Variants in GPR135 observed in about 807,000 individuals in gnomAD.
GPR135 encodes G-protein coupled receptor 135.
In GPR135, 17 loss-of-function variants were observed where a neutral mutation model predicts 15.0. The ratio of observed to expected loss-of-function variants is 1.13; its 90% confidence interval spans 0.78 to 1.70. GPR135 has a LOEUF of 1.70. GPR135 is among the 40% of genes most tolerant of loss of function. The pLI is 0.00. For missense variants in GPR135, 776 were observed against 727.0 expected, an observed-to-expected ratio of 1.07 and a Z score of -0.78; for synonymous variants, 368 against 349.4, an observed-to-expected ratio of 1.05 and a Z score of -0.59.
chr14:59,461,365 C>A lies in GPR135; in HGVS notation c.*2377G>T, dbSNP rs1384243609. ...GTTCTACCACTAAATAGTTGGATAG[C>A]CTTGGATTAAAAACAAACAATTTAG... On this transcript the variant is annotated 3_prime_UTR_variant, in exon 1 of 1. Coordinates refer to ENST00000395116, the MANE Select transcript of GPR135 (RefSeq NM_022571.6). 6.6e-6 allele frequency: 1 copy of A among 152,120 alleles called. No individual in the cohort carries two copies. The highest frequency in any genetic ancestry group is 2.4e-5 in the African/African-American group (1 of 41,408). 9.4% of individuals were successfully genotyped at this position (152,120 alleles called of 1,614,324 possible).
rs1235396635 is a variant in GPR135 at position 59,464,271 on chromosome 14, C to G, written c.956G>C (p.Arg319Pro). The part of the protein sequence containing the change: ...VRVRPVNTYA[R>P]VLRFFSEVRT... Reference sequence around the variant, plus strand: ...CACCTCGCTGAAGAAGCGCAGCACGCGCGCGTAGGTGTTCACCGGCCGCAC... The same window carrying G: ...CACCTCGCTGAAGAAGCGCAGCACGGGCGCGTAGGTGTTCACCGGCCGCAC... The change falls in exon 1 of 1, where the codon CGC becomes CCC. Residue 319 changes from arginine (R) to proline (P), a missense_variant. Coordinates refer to ENST00000395116, the MANE Select transcript of GPR135 (RefSeq NM_022571.6). The G allele has an allele frequency of 1.2e-6, 2 of 1,612,124 alleles. No homozygotes were observed. The highest frequency in any genetic ancestry group is 1.7e-6 in the Non-Finnish European group (2 of 1,179,870).
At chr14:59,459,526 A>C (rs1162259166), downstream of GPR135, among the ~76,000 whole-genome samples, 1 of 152,236 alleles carries the variant, frequency 6.6e-6, no homozygotes, top group African/African-American at 2.4e-5. Context: ...TGAATGGATG[A>C]CAACTGAGGA....
downstream of GPR135, among the ~76,000 whole-genome samples, chr14:59,458,342 C>G (rs760424525): frequency 6.6e-6 from 1 of 152,186 alleles, no homozygotes; most frequent in African/African-American, 2.4e-5. Context: ...GTTTAGACCT[C>G]AGGAGAGCTC....
chr14:59,465,131 C>T lies in GPR135; in HGVS notation c.96G>A (p.Gly32=). 7.3e-7 allele frequency: 1 copy of T among 1,374,908 alleles called. No homozygotes were observed. Among genetic ancestry groups the T allele is most frequent in the Non-Finnish European group, 9.4e-7 (1 of 1,063,622 alleles). The allele number at this position is 1,374,908 out of a possible 1,614,324, so 85.2% of individuals were successfully genotyped here. The change falls in exon 1 of 1, where the codon GGG becomes GGA. Residue 32 remains glycine (G), a synonymous_variant. Coordinates refer to ENST00000395116, the MANE Select transcript of GPR135 (RefSeq NM_022571.6). ...GAPSAAGPPG[G]TSSAATAAVL... ...CGGCCGCCGTGGCCGCGGAGGAAGT[C>T]CCGCCAGGTGGGCCGGCCGCGGAGG... is the stretch of plus-strand genomic sequence containing the variant.
In GPR135 at chr14:59,461,824, C is replaced by T. The variant is rs1178113750; in HGVS notation, c.*1918G>A. 6.6e-6 allele frequency: 1 copy of T among 152,118 alleles called. No homozygotes were observed. Among genetic ancestry groups the T allele is most frequent in the African/African-American group, 2.4e-5 (1 of 41,422 alleles). 9.4% of individuals were successfully genotyped at this position (152,118 alleles called of 1,614,324 possible). A position where few individuals can be genotyped will look rare whatever the true frequency, so the allele number is the denominator to read the frequency against. ...TTCTCTCTAAATCCCAAAAGTGACTCGGTGCCAAAAAATACACAATTTTTT... is the reference window on the plus strand; with the variant it reads ...TTCTCTCTAAATCCCAAAAGTGACTTGGTGCCAAAAAATACACAATTTTTT... On this transcript the variant is annotated 3_prime_UTR_variant, in exon 1 of 1. Transcript: ENST00000395116.
chr14:59,453,613 T>C (rs1246036871), intron 6 of GPR135, among the ~76,000 whole-genome samples: 1 of 152,150 alleles, frequency 6.6e-6, no homozygotes, highest in Non-Finnish European at 1.5e-5. Flanking sequence ...TTGTGATGGA[T>C]GTTAAGGTGG....
rs754598348 is a variant in GPR135, at chr14:59,464,112, G to T, written c.1115C>A (p.Ala372Asp). The T allele has an allele frequency of 6.2e-6, 10 of 1,611,298 alleles. No homozygotes were observed. Among genetic ancestry groups the T allele is most frequent in the Middle Eastern group, 3.3e-4 (2 of 6,084 alleles). Reference sequence around the variant, plus strand: ...CCCATTGGCCCAGGTCAGCCAGACGGCCACCACGCTGAGGAGCGAGGGGGC... The same window carrying T: ...CCCATTGGCCCAGGTCAGCCAGACGTCCACCACGCTGAGGAGCGAGGGGGC... ...MQAPSLLSVV[A>D]VWLTWANGAI... is the part of the protein sequence containing the mutation. Residue 372 changes from alanine to aspartate, a missense_variant, in exon 1 of 1, where the codon GCC becomes GAC. Coordinates refer to ENST00000395116, the MANE Select transcript of GPR135 (RefSeq NM_022571.6).
At chr14:59,460,572 T>G (rs1375529634), downstream of GPR135, 1 of 152,216 alleles carries the variant, frequency 6.6e-6, no homozygotes, top group Admixed American at 6.5e-5. Context: ...ACATAACACC[T>G]CTGTGCCTTG....
In GPR135 at chr14:59,464,399, G is replaced by A. The variant is rs774783652; in HGVS notation, c.828C>T (p.Ala276=). The change falls in exon 1 of 1, where the codon GCC becomes GCT. Residue 276 remains alanine (A), a synonymous_variant. Coordinates refer to ENST00000395116, the MANE Select transcript of GPR135 (RefSeq NM_022571.6). ...TSPDPAQLGA[A]FSVGLVVACY... ...AGGCCACCACCAGCCCCACGCTGAA[G>A]GCCGCGCCCAGCTGCGCGGGGTCCG... 1.1e-5 allele frequency: 17 copies of A among 1,600,576 alleles called. No individual in the cohort carries two copies. The South Asian group carries it at 1.8e-4, about 17-fold the overall frequency.
chr14:59,464,339 G>C lies in GPR135; in HGVS notation c.888C>G (p.Cys296Trp), dbSNP rs753304090. The C allele has an allele frequency of 6.2e-7, 1 of 1,610,228 alleles. No homozygotes were observed. Among genetic ancestry groups the C allele is most frequent in the Non-Finnish European group, 8.5e-7 (1 of 1,178,584 alleles). ...GCACCGTCTTGCAGATGTGGTAGTG[G>C]CAGAAGCACATGAGCAGGAAGGGCA... is the stretch of plus-strand genomic sequence containing the variant. ...YLLPFLLMCF[C>W]HYHICKTVRL... The change falls in exon 1 of 1, where the codon TGC (cysteine) becomes TGG (tryptophan). Residue 296 changes from cysteine (C) to tryptophan (W), a missense_variant. Physicochemically the swap from Cys to Trp is radical, Grantham distance 215. Transcript: ENST00000395116.
chr14:59,453,373 G>T (rs571296305), intron 6 of GPR135, among the ~76,000 whole-genome samples: 1 of 152,120 alleles, frequency 6.6e-6, no homozygotes, highest in African/African-American at 2.4e-5. Context: ...ACTCAATTTT[G>T]CTGTGAACCT....
In GPR135 at chr14:59,463,622, TC is replaced by T. The variant is rs943709023; in HGVS notation, c.*119del. 1.3e-5 allele frequency: 12 copies of T among 955,706 alleles called. No individual in the cohort carries two copies. Among genetic ancestry groups the T allele is most frequent in the Non-Finnish European group, 1.8e-5 (12 of 655,548 alleles). 59.2% of individuals were successfully genotyped at this position (955,706 alleles called of 1,614,324 possible). ...TGTTGTTTGGGGAAAGTGGTAAGCCTCCCCCGTCTCTAGCTTTAAATGTTTG... is the reference window on the plus strand; with the variant it reads ...TGTTGTTTGGGGAAAGTGGTAAGCCTCCCCGTCTCTAGCTTTAAATGTTTG... On this transcript the variant is annotated 3_prime_UTR_variant, in exon 1 of 1. Transcript: ENST00000395116.
rs575708487 is a variant in GPR135 at position 59,464,723 on chromosome 14, G to A, written c.504C>T (p.Pro168=). The change falls in exon 1 of 1, where the codon CCC becomes CCT. Residue 168 remains proline, a synonymous_variant. Coordinates refer to ENST00000395116, the MANE Select transcript of GPR135 (RefSeq NM_022571.6). Reference sequence around the variant, plus strand: ...CGGCGGCGGCAGGCGCCGAACCCCCGGGCGGAGTGAAGAGGTCCAGGAAGG... The same window carrying A: ...CGGCGGCGGCAGGCGCCGAACCCCCAGGCGGAGTGAAGAGGTCCAGGAAGG... ...PAAFLDLFTP[P]GGSAPAAAAG... 6.5e-5 allele frequency: 101 copies of A among 1,565,660 alleles called. No individual in the cohort carries two copies. The highest frequency in any genetic ancestry group is 8.5e-5 in the Non-Finnish European group (98 of 1,157,350).
rs1157511037 is a variant in GPR135 at position 59,463,980 on chromosome 14, G to C, written c.1247C>G (p.Pro416Arg). 6.2e-7 allele frequency: 1 copy of C among 1,614,020 alleles called. No individual in the cohort carries two copies. Among genetic ancestry groups the C allele is most frequent in the Non-Finnish European group, 8.5e-7 (1 of 1,180,026 alleles). Residue 416 changes from proline to arginine, a missense_variant, in exon 1 of 1, where the codon CCC (proline) becomes CGC (arginine). Transcript: ENST00000395116. The part of the protein sequence containing the change: ...YRTRNVDAFL[P>R]SQGPGLQARS... ...GGCTTGCAGACCCGGGCCCTGGCTGGGCAGGAAAGCGTCCACATTCCTAGT... is the reference window on the plus strand; with the variant it reads ...GGCTTGCAGACCCGGGCCCTGGCTGCGCAGGAAAGCGTCCACATTCCTAGT...
chr14:59,454,040 T>C (rs1888574338), intron 6 of GPR135, among the ~76,000 whole-genome samples: 1 of 152,156 alleles, frequency 6.6e-6, no homozygotes, highest in Non-Finnish European at 1.5e-5. Context: ...TTCAACTTGA[T>C]TGGATTGAAG....
In GPR135 at chr14:59,464,206, T is replaced by C. The variant is rs1463983349; in HGVS notation, c.1021A>G (p.Ile341Val). Residue 341 changes from isoleucine (I) to valine (V), a missense_variant, in exon 1 of 1, where the codon ATC becomes GTC. By Grantham distance (29) the Ile-to-Val change is conservative. Transcript: ENST00000395116. ...AAGCAGTAGGGCCCCCAGCAGCAGATGACGAAGACGATCATGATGAGGACG... is the reference window on the plus strand; with the variant it reads ...AAGCAGTAGGGCCCCCAGCAGCAGACGACGAAGACGATCATGATGAGGACG... ...TTVLIMIVFVICCWGPYCFLV... is the reference protein window; with the variant it reads ...TTVLIMIVFVVCCWGPYCFLV... 3 of 1,610,720 alleles carry C rather than the reference T, an allele frequency of 1.9e-6. No homozygotes were observed. The highest frequency in any genetic ancestry group is 2.5e-6 in the Non-Finnish European group (3 of 1,179,888).
downstream of GPR135, among the ~76,000 whole-genome samples, chr14:59,457,283 CTG>C (rs1888687193): frequency 6.6e-6 from 1 of 152,094 alleles, no homozygotes; most frequent in South Asian, 2.1e-4. Flanking sequence ...TATTTACTAT[CTG>C]TGTGTGTCTC....
chr14:59,464,949 G>T lies in GPR135; in HGVS notation c.278C>A (p.Ala93Glu), dbSNP rs771218417. The change falls in exon 1 of 1, where the codon GCG becomes GAG. Residue 93 changes from alanine to glutamate, a missense_variant. By Grantham distance (107) the Ala-to-Glu change is moderately radical. Transcript: ENST00000395116. ...AGCTCCGTGCGACAGCAGCGGCGCCGCCTCCGGGCCTAGCGGCCGCCTCAC... is the reference window on the plus strand; with the variant it reads ...AGCTCCGTGCGACAGCAGCGGCGCCTCCTCCGGGCCTAGCGGCCGCCTCAC... Reference protein sequence around the residue: ...AAVRRPLGPEAAPLLSHGAAV... With the variant: ...AAVRRPLGPEEAPLLSHGAAV... 5.2e-6 allele frequency: 8 copies of T among 1,531,570 alleles called. No individual in the cohort carries two copies. Among genetic ancestry groups the T allele is most frequent in the Non-Finnish European group, 7.0e-6 (8 of 1,142,572 alleles). 94.9% of individuals were successfully genotyped at this position (1,531,570 alleles called of 1,614,324 possible). A position where few individuals can be genotyped will look rare whatever the true frequency, so the allele number is the denominator to read the frequency against.
chr14:59,464,343 A>C lies in GPR135; in HGVS notation c.884T>G (p.Phe295Cys). The C allele has an allele frequency of 1.2e-6, 2 of 1,610,186 alleles. No homozygotes were observed. The highest frequency in any genetic ancestry group is 1.7e-6 in the Non-Finnish European group (2 of 1,178,522). The change falls in exon 1 of 1, where the codon TTC becomes TGC. Residue 295 changes from phenylalanine (F) to cysteine (C), a missense_variant. Phe to Cys is a radical substitution (Grantham distance 205). Transcript: ENST00000395116. ...CGTCTTGCAGATGTGGTAGTGGCAG[A>C]AGCACATGAGCAGGAAGGGCAGCAG... ...CYLLPFLLMCFCHYHICKTVR... is the reference protein window; with the variant it reads ...CYLLPFLLMCCCHYHICKTVR...
Sources: allele counts gnomAD v4.1 joint callset (sites outside exome capture counted in the v4.1 genomes callset), GRCh38; gene constraint gnomAD v4.1.1; transcripts MANE v1.5; gene names NCBI Gene and HGNC (gene_info 2026-07-23, HGNC 2026-07-21).